The following AKAP3 variants were observed in gnomAD, a reference collection of about 807,000 sequenced individuals.
AKAP3 encodes A-kinase anchoring protein 3.
A neutral mutation model predicts 57.2 loss-of-function variants in AKAP3; 27 were observed. The ratio of observed to expected loss-of-function variants is 0.47; its 90% CI spans 0.35 to 0.65. The LOEUF (loss-of-function observed/expected upper bound fraction) is 0.65, where lower values mean the gene tolerates loss of function less well. Ranked by LOEUF, AKAP3 falls within the 30% of genes least tolerant of loss-of-function variation. The pLI is 0.01. For missense variants in AKAP3, 959 were observed against 1,040.0 expected, an observed-to-expected ratio of 0.92 and a Z score of 1.07; for synonymous variants, 334 against 392.3, an observed-to-expected ratio of 0.85 and a Z score of 1.76.
chr12:4,631,153 A>C (rs1945492969), intron 4 of AKAP3, among the ~76,000 whole-genome samples: 1 of 152,134 alleles, frequency 6.6e-6, no homozygotes, highest in South Asian at 2.1e-4. Context: ...TTTGGTTCTC[A>C]CTTCGGTTTG....
chr12:4,647,273 G>A (rs1032024487), intron 1 of AKAP3, among the ~76,000 whole-genome samples: 1 of 152,060 alleles, frequency 6.6e-6, no homozygotes, highest in Non-Finnish European at 1.5e-5. Context: ...TGAGGTACCA[G>A]GGTAGGTTTT....
At position 4,627,051 on chromosome 12, in the gene AKAP3, C is replaced by T. The variant is rs1303002184; in HGVS notation, c.1851G>A (p.Val617=). The T allele has an allele frequency of 6.2e-7, 1 of 1,613,950 alleles. No individual in the cohort carries two copies. Among genetic ancestry groups the T allele is most frequent in the Non-Finnish European group, 8.5e-7 (1 of 1,179,894 alleles). ...TATCTTCCTTAACTGGCTGTTCCGG[C>T]ACCTTGGGTTCAGGGCTCTGGTCAC... ...FKRDQSPEPK[V]PEQPVKEDRK... is the part of the protein sequence containing the mutation. The change falls in exon 5 of 6, where the codon GTG becomes GTA. Residue 617 remains valine (V), a synonymous_variant. Coordinates refer to ENST00000228850, the MANE Select transcript of AKAP3 (RefSeq NM_001278309.2).
intron 5 of AKAP3, among the ~76,000 whole-genome samples, chr12:4,618,079 A>G (rs904976827): frequency 5.9e-5 from 9 of 152,226 alleles, no homozygotes; most frequent in African/African-American, 2.2e-4. Flanking sequence ...AGCAAAGGGA[A>G]AACAGGAAGA....
intron 4 of AKAP3, chr12:4,635,425 G>C (rs1057285963): frequency 1.4e-6 from 1 of 732,946 alleles, no homozygotes; most frequent in African/African-American, 1.8e-5. Context: ...TTTGCTTCTG[G>C]ATTTTGTGGT....
intron 5 of AKAP3, among the ~76,000 whole-genome samples, chr12:4,622,012 C>G (rs1482471344): frequency 6.6e-6 from 1 of 151,892 alleles, no homozygotes; most frequent in Non-Finnish European, 1.5e-5. Flanking sequence ...AGAAAAAGGC[C>G]TACAATGCAA....
At chr12:4,616,380 G>A (rs1945285564) in intron 5 of AKAP3, among the ~76,000 whole-genome samples, 2 of 152,210 alleles carry the variant, frequency 1.3e-5, no homozygotes, top group Admixed American at 6.5e-5. Flanking sequence ...GCAGGTATTG[G>A]AGCCTATCTT....
chr12:4,627,458 G>T lies in AKAP3; in HGVS notation c.1444C>A (p.Pro482Thr). ...GATGCAGGCTTACGCTGTGTGTTGGGAGCTTCAAATGCTGCATGCTGGAAA... is the reference window on the plus strand; with the variant it reads ...GATGCAGGCTTACGCTGTGTGTTGGTAGCTTCAAATGCTGCATGCTGGAAA... Reference protein sequence around the residue: ...LGFQHAAFEAPNTQRKPASDI... With the variant: ...LGFQHAAFEATNTQRKPASDI... Residue 482 changes from proline (P) to threonine (T), a missense_variant, in exon 5 of 6, where the codon CCC becomes ACC. Physicochemically the swap from Pro to Thr is conservative, Grantham distance 38. Transcript: ENST00000228850. 3 of 1,614,058 alleles carry T rather than the reference G, an allele frequency of 1.9e-6. No homozygotes were observed. The highest frequency in any genetic ancestry group is 2.5e-6 in the Non-Finnish European group (3 of 1,179,992).
In AKAP3 at chr12:4,638,312, A is replaced by G. The variant is rs139403845; in HGVS notation, c.1-116T>C. On this transcript the variant is annotated intron_variant, in intron 3 of 5. Transcript: ENST00000228850. Reference sequence around the variant, plus strand: ...GAAAGATGAACAATGCCTTCAATAGAGACCTTCCCCAACAGCCACTTCAGA... The same window carrying G: ...GAAAGATGAACAATGCCTTCAATAGGGACCTTCCCCAACAGCCACTTCAGA... 1,701 of 723,598 alleles carry G rather than the reference A, an allele frequency of 2.4e-3. 25 individuals carry two copies. In the African/African-American group the frequency reaches 0.026, roughly 11 times the overall value. The allele number at this position is 723,598 out of a possible 1,614,324, so 44.8% of individuals were successfully genotyped here. A position where few individuals can be genotyped will look rare whatever the true frequency, so the allele number is the denominator to read the frequency against.
At chr12:4,621,387 C>G (rs1337682121) in intron 5 of AKAP3, among the ~76,000 whole-genome samples, 1 of 152,178 alleles carries the variant, frequency 6.6e-6, no homozygotes, top group Non-Finnish European at 1.5e-5. Context: ...ATTCACTCAC[C>G]ACTCAGTCAC....
intron 5 of AKAP3, among the ~76,000 whole-genome samples, chr12:4,621,534 T>C (rs980256025): frequency 3.9e-5 from 6 of 152,234 alleles, no homozygotes; most frequent in African/African-American, 1.4e-4. Flanking sequence ...GATCCACACA[T>C]ACTGTGGTGT....
At chr12:4,635,190 A>T (rs1945548811) in intron 4 of AKAP3, among the ~76,000 whole-genome samples, 1 of 152,344 alleles carries the variant, frequency 6.6e-6, no homozygotes, top group Admixed American at 6.5e-5. Flanking sequence ...TTAAAAATTA[A>T]GTTCAAAACA....
intron 5 of AKAP3, among the ~76,000 whole-genome samples, chr12:4,617,843 C>G (rs2137423153): frequency 6.6e-6 from 1 of 151,392 alleles, no homozygotes; most frequent in Admixed American, 6.6e-5. Context: ...TAAAGCAACT[C>G]AACTATAAAG....
chr12:4,628,428 T>A lies in AKAP3; in HGVS notation c.474A>T (p.Ser158=). The stretch of plus-strand genomic sequence containing the variant: ...GTGTGGGTTCATTCCCCATGTACAA[T>A]GACTGATAGACACATTTGTTTTCAG... ...DGSENKCVYQ[S]LYMGNEPTPT... The change falls in exon 5 of 6, where the codon TCA becomes TCT. Residue 158 remains serine (S), a synonymous_variant. Transcript: ENST00000228850. 1 of 1,614,164 alleles carries A rather than the reference T, an allele frequency of 6.2e-7. No homozygotes were observed. The highest frequency in any genetic ancestry group is 8.5e-7 in the Non-Finnish European group (1 of 1,180,024).
chr12:4,617,380 C>T (rs1249379635), intron 5 of AKAP3, among the ~76,000 whole-genome samples: 1 of 152,208 alleles, frequency 6.6e-6, no homozygotes. Context: ...AAACTGGGAA[C>T]ATTAAGAATG....
At chr12:4,647,170 T>C (rs1365789926) in intron 1 of AKAP3, among the ~76,000 whole-genome samples, 1 of 152,182 alleles carries the variant, frequency 6.6e-6, no homozygotes, top group Admixed American at 6.5e-5. Flanking sequence ...TCAGTGGTAT[T>C]TGAATAGTAC....
intron 5 of AKAP3, among the ~76,000 whole-genome samples, chr12:4,621,223 T>A (rs200444113): frequency 3.3e-5 from 5 of 151,860 alleles, no homozygotes; most frequent in Admixed American, 6.6e-5. Flanking sequence ...GCCAAAAAGT[T>A]AAAAAAAATC....
chr12:4,635,902 A>G, intron 4 of AKAP3: 1 of 722,976 alleles, frequency 1.4e-6, no homozygotes, highest in South Asian at 1.5e-5. Flanking sequence ...AGATCTCTCC[A>G]TTTTTTCTTC....
At chr12:4,640,084 G>A (rs146501887) in intron 3 of AKAP3, among the ~76,000 whole-genome samples, 2,306 of 152,118 alleles carry the variant, frequency 0.015, 50 homozygotes, top group African/African-American at 0.05. Context: ...CCAAAGTGCT[G>A]GGATTACAGG....
intron 4 of AKAP3, among the ~76,000 whole-genome samples, chr12:4,632,693 T>G (rs1425934630): frequency 6.6e-6 from 1 of 152,136 alleles, no homozygotes; most frequent in Non-Finnish European, 1.5e-5. Flanking sequence ...CAGGCTGGAG[T>G]GCAGTCGTGC....
Sources: allele counts gnomAD v4.1 joint callset (sites outside exome capture counted in the v4.1 genomes callset), GRCh38; gene constraint gnomAD v4.1.1; transcripts MANE v1.5; gene names NCBI Gene and HGNC (gene_info 2026-07-23, HGNC 2026-07-21).